Variants in ATP1A4 observed in about 807,000 individuals in gnomAD.
The protein encoded by ATP1A4 is sodium/potassium-transporting ATPase subunit alpha-4.
Under a neutral mutation model 114.3 loss-of-function variants are expected in ATP1A4, and 90 were observed. The ratio of observed to expected loss-of-function variants is 0.79; its 90% CI spans 0.66 to 0.94. The LOEUF is 0.94. ATP1A4 is among the 40% of genes least tolerant of loss of function. The probability of loss-of-function intolerance (pLI) is 0.00; values close to 1 mark genes in which losing one functional copy is unlikely to be tolerated. For missense variants in ATP1A4, 1,222 were observed against 1,313.6 expected (o/e 0.93, Z 1.08); for synonymous variants, 511 against 494.1 (o/e 1.03, Z -0.45).
At position 160,176,470 on chromosome 1, in the gene ATP1A4, A is replaced by G; in HGVS notation, c.2467-9A>G. ...GTGACCCCTGTCATCCCCACCCTCC[A>G]TCCTCCAGGTCCCTGCCATCTCCTT... On this transcript the variant is annotated splice_polypyrimidine_tract_variant and intron_variant, in intron 16 of 21. Coordinates refer to ENST00000368081, the MANE Select transcript of ATP1A4 (RefSeq NM_144699.4). 1 of 1,613,984 alleles carries G rather than the reference A, an allele frequency of 6.2e-7. No individual in the cohort carries two copies. The highest frequency in any genetic ancestry group is 8.5e-7 in the Non-Finnish European group (1 of 1,179,960).
In ATP1A4 at chr1:160,178,582, G is replaced by A. The variant is rs1653570437; in HGVS notation, c.2736+918G>A. Among the ~76,000 whole-genome samples the A allele has an allele frequency of 4.6e-5, 7 of 152,088 alleles. No individual in the cohort carries two copies. The South Asian group carries it at 1.4e-3, about 31-fold the overall frequency. On this transcript the variant is annotated intron_variant, in intron 18 of 21. Transcript: ENST00000368081. The stretch of plus-strand genomic sequence containing the variant: ...CCCAGCTACTCAGGAGGCTGAGGCA[G>A]GAGAATCACTTGATCCCAGGAGGCG...
chr1:160,164,531 C>T, intron 7 of ATP1A4, 107 bp downstream of exon 7: 4 of 1,179,890 alleles, frequency 3.4e-6, no homozygotes, highest in South Asian at 2.9e-5. Flanking sequence ...CAGGGTCTTC[C>T]TGATATGTAA....
At chr1:160,161,573 C>T (rs926126063) in intron 6 of ATP1A4, among the ~76,000 whole-genome samples, 1 of 152,194 alleles carries the variant, frequency 6.6e-6, no homozygotes, top group African/African-American at 2.4e-5. Context: ...AATAGAAGAA[C>T]TAGACTAAAC....
At position 160,176,552 on chromosome 1, in the gene ATP1A4, C is replaced by T. The variant is rs753462997; in HGVS notation, c.2540C>T (p.Thr847Met). 16 of 1,614,002 alleles carry T rather than the reference C, an allele frequency of 9.9e-6. No homozygotes were observed. The highest frequency in any genetic ancestry group is 1.6e-4 in the Middle Eastern group (1 of 6,084). Residue 847 changes from threonine to methionine, a missense_variant, in exon 17 of 22, where the codon ACG becomes ATG. Physicochemically the swap from Thr to Met is moderately conservative, Grantham distance 81 (BLOSUM62 -1). Transcript: ENST00000368081. The stretch of plus-strand genomic sequence containing the variant: ...AAGAGGCTTCCAAGGAACCCAAAGA[C>T]GGATAATCTGGTGAACCACCGTCTC... ...IMKRLPRNPK[T>M]DNLVNHRLIG...
chr1:160,156,278 A>AG (rs1296869870), intron 4 of ATP1A4, 120 bp downstream of exon 4: 3 of 695,340 alleles, frequency 4.3e-6, no homozygotes, highest in African/African-American at 3.5e-5. Flanking sequence ...GTTGGTGATG[A>AG]GGGGGTCAAG....
intron 10 of ATP1A4, among the ~76,000 whole-genome samples, chr1:160,167,621 G>T (rs756329430): frequency 6.6e-6 from 1 of 152,214 alleles, no homozygotes; most frequent in Non-Finnish European, 1.5e-5. Flanking sequence ...AGAGGCATCA[G>T]TCAGTCCTAT....
intron 20 of ATP1A4, 64 bp downstream of exon 20, chr1:160,182,095 T>C (rs1163953300): frequency 7.4e-7 from 1 of 1,347,010 alleles, no homozygotes; most frequent in Admixed American, 1.7e-5. Context: ...AGAGGAAGGG[T>C]GTGTTTCACT....
At chr1:160,156,209 A>T in intron 4 of ATP1A4, 51 bp downstream of exon 4, 1 of 1,261,588 alleles carries the variant, frequency 7.9e-7, no homozygotes, top group Non-Finnish European at 1.2e-6. Flanking sequence ...GATGTGGCCA[A>T]ATACACAATG....
intron 3 of ATP1A4, among the ~76,000 whole-genome samples, chr1:160,155,652 G>A (rs1029353913): frequency 2.6e-5 from 4 of 152,024 alleles, no homozygotes; most frequent in East Asian, 1.9e-4. Flanking sequence ...CAATGTCCCC[G>A]AAAAACTTGC....
rs370385068 is a variant in ATP1A4 at position 160,186,734 on chromosome 1, G to A, written c.*35G>A. On this transcript the variant is annotated 3_prime_UTR_variant, in exon 22 of 22. Coordinates refer to ENST00000368081, the MANE Select transcript of ATP1A4 (RefSeq NM_144699.4). The stretch of plus-strand genomic sequence containing the variant: ...ATGAAGAGCTTCATGTGACACAGGG[G>A]TGTTGTGAGAGCTGGGATGGGGCCA... 107 of 1,603,578 alleles carry A rather than the reference G, an allele frequency of 6.7e-5. No homozygotes were observed. Among genetic ancestry groups the A allele is most frequent in the Middle Eastern group, 1.7e-4 (1 of 6,054 alleles).
At position 160,152,103 on chromosome 1, in the gene ATP1A4, T is replaced by TA. The variant is rs1467294583; in HGVS notation, c.69dup (p.Gly24ArgfsTer28). 3.7e-6 allele frequency: 6 copies of TA among 1,613,482 alleles called. No individual in the cohort carries two copies. In the East Asian group the frequency reaches 1.3e-4, roughly 36 times the overall value. ...ATGACCAGAGTCCAAGACGAAGACC[T>TA]AAAAAAGGGCTTATCAAGAAAAAAA... On this transcript the variant is annotated frameshift_variant, in exon 1 of 22. Transcript: ENST00000368081. LOFTEE classifies it high-confidence loss of function.
At chr1:160,154,109 A>G (rs1254049553) in intron 2 of ATP1A4, among the ~76,000 whole-genome samples, 3 of 152,150 alleles carry the variant, frequency 2.0e-5, no homozygotes, top group African/African-American at 4.8e-5. Flanking sequence ...CGTGGCTCAC[A>G]CCTGTAATCC....
chr1:160,156,875 G>A (rs998840972), intron 4 of ATP1A4, among the ~76,000 whole-genome samples: 1 of 152,184 alleles, frequency 6.6e-6, no homozygotes, highest in Non-Finnish European at 1.5e-5. Context: ...CCGTTTGGGG[G>A]ACCGAGGCAA....
At chr1:160,153,397 T>C (rs1652527960) in intron 2 of ATP1A4, among the ~76,000 whole-genome samples, 173 bp downstream of exon 2, 1 of 152,108 alleles carries the variant, frequency 6.6e-6, no homozygotes, top group South Asian at 2.1e-4. Context: ...CTGCAAATGG[T>C]AACTACCCTC....
chr1:160,155,617 T>C, intron 3 of ATP1A4, among the ~76,000 whole-genome samples: 1 of 152,186 alleles, frequency 6.6e-6, no homozygotes, highest in South Asian at 2.1e-4. Context: ...TCTAAAAAGC[T>C]TCTGGTCCAG....
intron 17 of ATP1A4, 38 bp downstream of exon 17, chr1:160,176,640 G>A (rs370552507): frequency 6.2e-7 from 1 of 1,603,070 alleles, no homozygotes; most frequent in African/African-American, 1.3e-5. Flanking sequence ...GGAGCAGGGA[G>A]TGGTTTCCCC....
chr1:160,155,086 T>G lies in ATP1A4; in HGVS notation c.249T>G (p.Gly83=), dbSNP rs774997803. ...HQRAKEILTR[G]GPNTVTPPPT... Reference sequence around the variant, plus strand: ...GGGCAAAGGAAATCCTGACTCGAGGTGGACCCAATACTGTTACCCCACCCC... The same window carrying G: ...GGGCAAAGGAAATCCTGACTCGAGGGGGACCCAATACTGTTACCCCACCCC... The change falls in exon 3 of 22, where the codon GGT becomes GGG. Residue 83 remains glycine (G), a synonymous_variant. Transcript: ENST00000368081. The G allele has an allele frequency of 3.1e-6, 5 of 1,613,936 alleles. No individual in the cohort carries two copies. In the African/African-American group the frequency reaches 5.3e-5, roughly 17 times the overall value.
chr1:160,156,068 C>A lies in ATP1A4; in HGVS notation c.435C>A (p.Ser145=), dbSNP rs780624299. 6.2e-7 allele frequency: 1 copy of A among 1,613,442 alleles called. No homozygotes were observed. ...AGCTCTACCTGAGCATCGTACTGTC[C>A]GTCGTGGTCATCGTCACTGGCTGCT... is the stretch of plus-strand genomic sequence containing the variant. ...KDNLYLSIVL[S]VVVIVTGCFS... Residue 145 remains serine, a synonymous_variant, in exon 4 of 22, where the codon TCC becomes TCA. Coordinates refer to ENST00000368081, the MANE Select transcript of ATP1A4 (RefSeq NM_144699.4).
At chr1:160,186,520 T>G in intron 21 of ATP1A4, 151 bp from the exon 22 acceptor site, 1 of 1,071,168 alleles carries the variant, frequency 9.3e-7, no homozygotes, top group East Asian at 2.5e-5. Flanking sequence ...TCTCTACCCC[T>G]TGGCTGCACC....
Sources: allele counts gnomAD v4.1 joint callset (sites outside exome capture counted in the v4.1 genomes callset), GRCh38; gene constraint gnomAD v4.1.1; transcripts MANE v1.5; gene names NCBI Gene and HGNC (gene_info 2026-07-23, HGNC 2026-07-21).